The following PSD3 variants were observed in gnomAD, a reference collection of about 807,000 sequenced individuals.
The protein encoded by PSD3 is pleckstrin and Sec7 domain containing 3.
PSD3 carries 49 observed loss-of-function variants against 105.5 expected under a neutral mutation model. That is an observed-to-expected ratio of 0.46 (90% CI 0.37 to 0.59). The LOEUF (loss-of-function observed/expected upper bound fraction) is 0.59. Among genes scored for constraint, PSD3 ranks in the 20% least tolerant of loss-of-function variants. PSD3 has a pLI of 0.00. For missense variants in PSD3, 1,561 were observed against 1,263.8 expected (o/e 1.24, Z -3.57); for synonymous variants, 557 against 457.8 (o/e 1.22, Z -2.77).
intron 4 of PSD3, among the ~76,000 whole-genome samples, chr8:18,860,669 C>A (rs189093208): frequency 1.3e-5 from 2 of 152,242 alleles, no homozygotes; most frequent in Admixed American, 6.5e-5. Flanking sequence ...AAGTTGGTGT[C>A]TTTTTTCCTC....
chr8:18,543,634 A>AG (rs1178361116), intron 15 of PSD3, among the ~76,000 whole-genome samples: 1 of 151,748 alleles, frequency 6.6e-6, no homozygotes, highest in Non-Finnish European at 1.5e-5. Flanking sequence ...AAAAAAAAAA[A>AG]CAACAACAAA....
chr8:18,883,626 G>T (rs922389486), intron 2 of PSD3, among the ~76,000 whole-genome samples: 9 of 152,144 alleles, frequency 5.9e-5, no homozygotes, highest in Admixed American at 2.6e-4. Flanking sequence ...TTAAAGAAAT[G>T]GGCTCAGGGA....
At chr8:18,836,961 T>G (rs1252598461) in intron 4 of PSD3, among the ~76,000 whole-genome samples, 1 of 151,932 alleles carries the variant, frequency 6.6e-6, no homozygotes, top group Non-Finnish European at 1.5e-5. Context: ...TGTTTTTTTT[T>G]TTTTTTAATA....
chr8:19,022,260 T>A (rs565404775), intron 1 of PSD3, among the ~76,000 whole-genome samples: 1 of 152,308 alleles, frequency 6.6e-6, no homozygotes, highest in East Asian at 1.9e-4. Context: ...GGAATCACAT[T>A]TCAACATGAG....
chr8:18,918,259 T>C (rs1338898593), intron 2 of PSD3, among the ~76,000 whole-genome samples: 1 of 152,184 alleles, frequency 6.6e-6, no homozygotes. Context: ...TCTGCCACTG[T>C]CAAAACATCT....
intron 1 of PSD3, among the ~76,000 whole-genome samples, chr8:19,038,964 T>C (rs913452974): frequency 1.3e-5 from 2 of 152,196 alleles, no homozygotes; most frequent in African/African-American, 2.4e-5. Context: ...CAGTAAATGC[T>C]GAAGTCTGGG....
At chr8:18,552,131 G>C (rs764292640) in intron 15 of PSD3, among the ~76,000 whole-genome samples, 1 of 152,096 alleles carries the variant, frequency 6.6e-6, no homozygotes, top group Non-Finnish European at 1.5e-5. Flanking sequence ...GCATTGCGTC[G>C]GCTGGTTTTC....
chr8:18,610,592 G>T (rs1281304675), intron 11 of PSD3, among the ~76,000 whole-genome samples: 1 of 152,040 alleles, frequency 6.6e-6, no homozygotes, highest in East Asian at 1.9e-4. Context: ...AATTTAATTG[G>T]GCTGAAGCTT....
intron 1 of PSD3, among the ~76,000 whole-genome samples, chr8:19,034,520 C>G (rs968891046): frequency 1.3e-5 from 2 of 152,144 alleles, no homozygotes; most frequent in Admixed American, 6.6e-5. Context: ...ATTTAACATC[C>G]TTTTAAAGAC....
rs201964200 is a variant in PSD3, at chr8:18,872,526, T to A, written c.338A>T (p.Asp113Val). Residue 113 changes from aspartate to valine, a missense_variant, in exon 3 of 16, where the codon GAT becomes GTT. Physicochemically the swap from Asp to Val is radical, Grantham distance 152. Coordinates refer to ENST00000327040, the MANE Select transcript of PSD3 (RefSeq NM_015310.4). Reference protein sequence around the residue: ...GLDSVTEGPKDVREAPSQSHL... With the variant: ...GLDSVTEGPKVVREAPSQSHL... ...ACTTTGAGAGGGGGCCTCTCTGACA[T>A]CTTTTGGTCCTTCTGTAACACTGTC... 1,893 of 1,614,080 alleles carry A rather than the reference T, an allele frequency of 1.2e-3. 3 individuals carry two copies. The highest frequency in any genetic ancestry group is 1.4e-3 in the Non-Finnish European group (1,703 of 1,179,996).
chr8:18,807,411 A>G (rs1811296703), intron 4 of PSD3, among the ~76,000 whole-genome samples: 1 of 152,190 alleles, frequency 6.6e-6, no homozygotes, highest in South Asian at 2.1e-4. Context: ...CTTGAAATGA[A>G]GCTCTAAGAA....
chr8:19,000,367 G>A lies in PSD3; in HGVS notation c.21+13196C>T, dbSNP rs1202220581. Among the ~76,000 whole-genome samples, 11 of 149,054 alleles carry A rather than the reference G, an allele frequency of 7.4e-5. 1 individual carries two copies. Among genetic ancestry groups the A allele is most frequent in the African/African-American group, 1.2e-4 (5 of 40,420 alleles). On this transcript the variant is annotated intron_variant, in intron 1 of 15. Coordinates refer to ENST00000327040, the MANE Select transcript of PSD3 (RefSeq NM_015310.4). ...AGCTAGAATCATGCCCCTGCATTCC[G>A]GCCTTGCTGACAGAGCAAGGCTCTG... is the stretch of plus-strand genomic sequence containing the variant.
At chr8:19,056,399 A>G (rs1027901341) in intron 1 of PSD3, among the ~76,000 whole-genome samples, 4 of 152,242 alleles carry the variant, frequency 2.6e-5, no homozygotes, top group African/African-American at 9.6e-5. Flanking sequence ...GAGAAGTCAG[A>G]GTTTTGACAC....
chr8:18,806,979 T>C (rs1811260709), intron 4 of PSD3, among the ~76,000 whole-genome samples: 1 of 152,222 alleles, frequency 6.6e-6, no homozygotes, highest in Non-Finnish European at 1.5e-5. Context: ...TAAACAACTC[T>C]GAATATGCCC....
chr8:18,803,553 T>C (rs980442251), intron 6 of PSD3, among the ~76,000 whole-genome samples: 2 of 152,062 alleles, frequency 1.3e-5, no homozygotes, highest in African/African-American at 4.8e-5. Context: ...CCCAAGCGTG[T>C]CCTGAAGCTG....
chr8:18,530,153 A>G lies in PSD3; in HGVS notation c.*5590T>C, dbSNP rs191721862. 83 of 152,738 alleles carry G rather than the reference A, an allele frequency of 5.4e-4. No homozygotes were observed. Among genetic ancestry groups the G allele is most frequent in the African/African-American group, 2.0e-3 (82 of 41,564 alleles). 9.5% of individuals were successfully genotyped at this position (152,738 alleles called of 1,614,324 possible). On this transcript the variant is annotated 3_prime_UTR_variant, in exon 16 of 16. Coordinates refer to ENST00000327040, the MANE Select transcript of PSD3 (RefSeq NM_015310.4). ...GCCACTCACTCAAACACACTCAGTCACTGCTTTAAATATACCAAACATGCT... is the reference window on the plus strand; with the variant it reads ...GCCACTCACTCAAACACACTCAGTCGCTGCTTTAAATATACCAAACATGCT...
At chr8:18,640,835 C>T (rs562473697) in intron 10 of PSD3, among the ~76,000 whole-genome samples, 9 of 152,258 alleles carry the variant, frequency 5.9e-5, no homozygotes, top group African/African-American at 9.6e-5. Context: ...AAGAGAAACT[C>T]GACACTTGCC....
chr8:18,838,797 G>A (rs933147965), intron 4 of PSD3, among the ~76,000 whole-genome samples: 18 of 135,020 alleles, frequency 1.3e-4, no homozygotes, highest in African/African-American at 4.3e-4. Flanking sequence ...GCGAGACTCC[G>A]TCTCAAATAA....
At chr8:19,054,263 G>A (rs886566918) in intron 1 of PSD3, among the ~76,000 whole-genome samples, 1 of 152,144 alleles carries the variant, frequency 6.6e-6, no homozygotes, top group South Asian at 2.1e-4. Flanking sequence ...ACACATTTTG[G>A]ACTGTACAGG....
Sources: gnomAD v4.1 joint callset for allele counts (sites outside exome capture counted in the v4.1 genomes callset) on GRCh38, gnomAD v4.1.1 for gene constraint, MANE v1.5 for transcripts, NCBI Gene and HGNC (gene_info 2026-07-23, HGNC 2026-07-21) for gene names.